ZNG1A: variants seen among roughly 807,000 people sequenced by gnomAD.
ZNG1A encodes Zn regulated GTPase metalloprotein activator 1A, also known as zinc-regulated GTPase metalloprotein activator 1A.
At chr9:166,089 C>G in the ZNG1A span, 2 of 140,448 alleles carry the variant, frequency 1.4e-5, no homozygotes, top group Non-Finnish European at 3.0e-5. Flanking sequence ...CATCTCTTTG[C>G]TTTGGGAAGG....
At chr9:124,068 A>G in the ZNG1A span, among the ~76,000 whole-genome samples, 1 of 152,236 alleles carries the variant, frequency 6.6e-6, no homozygotes, top group African/African-American at 2.4e-5. Flanking sequence ...TGAGAATGAT[A>G]GGATAATGCC....
the ZNG1A span, chr9:121,930 G>C: frequency 6.2e-7 from 1 of 1,611,826 alleles, no homozygotes. Context: ...TTTTCACTTT[G>C]TTTTAAAACT....
the ZNG1A span, among the ~76,000 whole-genome samples, chr9:174,834 G>C: frequency 2.0e-5 from 3 of 150,734 alleles, no homozygotes; most frequent in South Asian, 2.1e-4. Flanking sequence ...CAGAAGTATT[G>C]TGTCTAGAGC....
the ZNG1A span, among the ~76,000 whole-genome samples, chr9:141,047 G>C: frequency 1.5e-5 from 2 of 137,776 alleles, no homozygotes; most frequent in Non-Finnish European, 1.5e-5. Flanking sequence ...TATGTGAAAA[G>C]ACCAAATCTA....
the ZNG1A span, among the ~76,000 whole-genome samples, chr9:174,044 G>A: frequency 6.6e-5 from 10 of 151,690 alleles, no homozygotes; most frequent in South Asian, 4.2e-4. Context: ...CTACTCAGGC[G>A]GCTGAGGCAG....
chr9:170,203 T>G, the ZNG1A span, among the ~76,000 whole-genome samples: 1 of 149,884 alleles, frequency 6.7e-6, no homozygotes, highest in Non-Finnish European at 1.5e-5. Context: ...CCTTAGAGAT[T>G]CCGATTCAGT....
chr9:159,625 C>A, the ZNG1A span, among the ~76,000 whole-genome samples: 1 of 151,474 alleles, frequency 6.6e-6, no homozygotes, highest in East Asian at 1.9e-4. Flanking sequence ...CACTGTAGAC[C>A]TAACTTCATG....
chr9:157,563 G>A, the ZNG1A span, among the ~76,000 whole-genome samples: 2 of 143,728 alleles, frequency 1.4e-5, no homozygotes, highest in Non-Finnish European at 3.0e-5. Context: ...AATTATGGGA[G>A]ATGGCTATTT....
At chr9:159,686 G>A in the ZNG1A span, among the ~76,000 whole-genome samples, 15 of 150,060 alleles carry the variant, frequency 1.0e-4, no homozygotes, top group East Asian at 5.9e-4. Context: ...AAGCCGGACC[G>A]AAAAAAGAGA....
At chr9:171,510 G>T in the ZNG1A span, 2 of 153,082 alleles carry the variant, frequency 1.3e-5, no homozygotes, top group African/African-American at 4.8e-5. Flanking sequence ...GGTTGACTCT[G>T]TGTAGCTTTC....
At chr9:163,284 T>G in the ZNG1A span, among the ~76,000 whole-genome samples, 1 of 151,594 alleles carries the variant, frequency 6.6e-6, no homozygotes, top group Non-Finnish European at 1.5e-5. Flanking sequence ...ACAGGAGTGT[T>G]TAATTCTTAT....
the ZNG1A span, among the ~76,000 whole-genome samples, chr9:178,233 G>A: frequency 6.6e-6 from 1 of 150,854 alleles, no homozygotes; most frequent in Non-Finnish European, 1.5e-5. Flanking sequence ...CTTAGTTTGA[G>A]AAATAGTCTT....
the ZNG1A span, among the ~76,000 whole-genome samples, chr9:127,455 C>G: frequency 0.22 from 32,625 of 151,054 alleles, 3,492 homozygotes; most frequent in East Asian, 0.38. Context: ...TTTTAAACTG[C>G]TGTTTCTTTA....
chr9:158,474 C>A, the ZNG1A span, among the ~76,000 whole-genome samples: 1 of 145,596 alleles, frequency 6.9e-6, no homozygotes, highest in African/African-American at 2.7e-5. Context: ...TATGAAATTG[C>A]GGTTATTTGG....
chr9:127,835 T>A, the ZNG1A span, among the ~76,000 whole-genome samples: 1 of 152,280 alleles, frequency 6.6e-6, no homozygotes, highest in African/African-American at 2.4e-5. Flanking sequence ...TTGATATGTT[T>A]CCAGGATTTG....
the ZNG1A span, among the ~76,000 whole-genome samples, chr9:140,637 T>G: frequency 6.7e-6 from 1 of 148,284 alleles, no homozygotes; most frequent in Non-Finnish European, 1.5e-5. Flanking sequence ...GCAGCGCCTC[T>G]CCTCCTCCAA....
the ZNG1A span, chr9:166,448 T>C: frequency 4.6e-5 from 7 of 152,130 alleles, no homozygotes; most frequent in African/African-American, 7.3e-5. Flanking sequence ...TGTATGCATA[T>C]GTATTACAGC....
At chr9:154,207 G>A in the ZNG1A span, 1 of 160,124 alleles carries the variant, frequency 6.2e-6, no homozygotes, top group Non-Finnish European at 1.4e-5. Flanking sequence ...CAAGAGTTCA[G>A]GGAAAACTGA....
the ZNG1A span, among the ~76,000 whole-genome samples, chr9:173,758 C>A: frequency 6.6e-6 from 1 of 151,966 alleles, no homozygotes; most frequent in African/African-American, 2.4e-5. Context: ...TAAGAGACTG[C>A]CTTATCTATC....
Sources: gnomAD v4.1 joint callset for allele counts (sites outside exome capture counted in the v4.1 genomes callset) on GRCh38, gnomAD v4.1.1 for gene constraint, MANE v1.5 for transcripts, NCBI Gene and HGNC (gene_info 2026-07-23, HGNC 2026-07-21) for gene names.